The following CHD9 variants were observed in gnomAD, a reference collection of about 807,000 sequenced individuals.
CHD9 encodes the protein chromodomain helicase DNA binding protein 9, also known as ATP-dependent chromatin remodeler CHD9.
CHD9 carries 77 observed loss-of-function variants against 316.1 expected under a neutral mutation model. The ratio of observed to expected loss-of-function variants is 0.24; its 90% CI spans 0.20 to 0.29. CHD9 has a LOEUF of 0.29. Ranked by LOEUF, CHD9 falls within the 10% of genes least tolerant of loss-of-function variation. CHD9 has a pLI of 1.00. For synonymous variants in CHD9, 1,129 were observed against 1,158.3 expected (o/e 0.97, Z 0.51); for missense variants, 2,763 against 3,438.1 (o/e 0.80, Z 4.91).
At chr16:53,132,121 C>CT in intron 1 of CHD9, among the ~76,000 whole-genome samples, 1 of 151,528 alleles carries the variant, frequency 6.6e-6, no homozygotes, top group South Asian at 2.1e-4. Flanking sequence ...GGGTGGTTTG[C>CT]TTTTTTTTCT....
Position 53,222,650 on chromosome 16 carries a change from CATT to C in CHD9, c.1796_1798del (p.Ile599del). The C allele has an allele frequency of 1.4e-6, 2 of 1,450,882 alleles. No homozygotes were observed. Among genetic ancestry groups the C allele is most frequent in the Non-Finnish European group, 1.9e-6 (2 of 1,047,266 alleles). 89.9% of individuals were successfully genotyped at this position (1,450,882 alleles called of 1,614,324 possible). Reference sequence around the variant, plus strand: ...TCTTTTCCTCTTGAAACAGCAAACTCATTATTACATTGGGTAAGAAACAAAAAA... The same window carrying C: ...TCTTTTCCTCTTGAAACAGCAAACTCATTACATTGGGTAAGAAACAAAAAA... On this transcript the variant is annotated inframe_deletion, in exon 4 of 39. Coordinates refer to ENST00000447540, the MANE Select transcript of CHD9 (RefSeq NM_001308319.2).
intron 4 of CHD9, 21 bp from the exon 5 acceptor site, chr16:53,226,345 G>T: frequency 1.3e-6 from 2 of 1,481,500 alleles, no homozygotes; most frequent in South Asian, 2.6e-5. Context: ...ATATAAATCT[G>T]ATTCTTGTGG....
chr16:53,236,442 T>C (rs573285620), intron 11 of CHD9, among the ~76,000 whole-genome samples: 3 of 151,884 alleles, frequency 2.0e-5, no homozygotes, highest in Non-Finnish European at 4.4e-5. Flanking sequence ...TCTAGTCTTC[T>C]TAGAGCCTTA....
intron 2 of CHD9, among the ~76,000 whole-genome samples, chr16:53,185,609 A>T (rs1166746392): frequency 1.3e-5 from 2 of 152,216 alleles, no homozygotes; most frequent in Non-Finnish European, 2.9e-5. Flanking sequence ...CAATGGGGCA[A>T]GTGTCTCCAA....
rs144662691 is a variant in CHD9 at position 53,300,210 on chromosome 16, G to A, written c.5713+3052G>A. 6.4e-4 allele frequency among the ~76,000 whole-genome samples: 97 copies of A among 152,166 alleles called. 1 individual carries two copies. The highest frequency in any genetic ancestry group is 2.0e-3 in the African/African-American group (81 of 41,512). On this transcript the variant is annotated intron_variant, in intron 30 of 38. Transcript: ENST00000447540. Reference sequence around the variant, plus strand: ...CTACTAAAGATACAAAAAATTAGCCGGGTGTAGTGGCACGCACCTGTAATC... The same window carrying A: ...CTACTAAAGATACAAAAAATTAGCCAGGTGTAGTGGCACGCACCTGTAATC...
intron 30 of CHD9, among the ~76,000 whole-genome samples, chr16:53,300,245 C>T (rs1182382130): frequency 6.6e-6 from 1 of 151,882 alleles, no homozygotes; most frequent in Non-Finnish European, 1.5e-5. Flanking sequence ...CCCAGCTACT[C>T]GGGAGGCTGA....
chr16:53,184,103 C>G (rs1567439545), intron 2 of CHD9, among the ~76,000 whole-genome samples: 1 of 152,046 alleles, frequency 6.6e-6, no homozygotes, highest in Non-Finnish European at 1.5e-5. Flanking sequence ...CGGCACCACG[C>G]CCGGCTAATT....
Position 53,327,036 on chromosome 16 carries a change from A to C in CHD9, c.*2141A>C, listed in dbSNP as rs1267314392. On this transcript the variant is annotated 3_prime_UTR_variant, in exon 39 of 39. Transcript: ENST00000447540. Reference sequence around the variant, plus strand: ...AGGCAATTACAGTTTTCAAAGCATTAAGTCTAACATAACTTTAAACATTCT... The same window carrying C: ...AGGCAATTACAGTTTTCAAAGCATTCAGTCTAACATAACTTTAAACATTCT... The C allele has an allele frequency of 6.6e-6, 1 of 152,504 alleles. No individual in the cohort carries two copies. Among genetic ancestry groups the C allele is most frequent in the Non-Finnish European group, 1.5e-5 (1 of 67,946 alleles). The allele number at this position is 152,504 out of a possible 1,614,324, so 9.4% of individuals were successfully genotyped here.
At chr16:53,137,699 T>C (rs2039822786) in intron 1 of CHD9, among the ~76,000 whole-genome samples, 1 of 152,140 alleles carries the variant, frequency 6.6e-6, no homozygotes, top group Admixed American at 6.6e-5. Context: ...CAAAGGAATG[T>C]GAGATAACAA....
At chr16:53,260,909 T>C (rs1047282913) in intron 19 of CHD9, among the ~76,000 whole-genome samples, 1 of 152,188 alleles carries the variant, frequency 6.6e-6, no homozygotes, top group African/African-American at 2.4e-5. Flanking sequence ...TCTCTCTATT[T>C]CAAGGTCCTT....
chr16:53,074,382 A>T (rs979400032), intron 1 of CHD9, among the ~76,000 whole-genome samples: 2 of 152,242 alleles, frequency 1.3e-5, no homozygotes, highest in Non-Finnish European at 2.9e-5. Context: ...CTGAGGAGAC[A>T]TTCAAGCAGG....
intron 1 of CHD9, among the ~76,000 whole-genome samples, chr16:53,133,726 G>A (rs913841292): frequency 3.3e-5 from 5 of 152,168 alleles, no homozygotes; most frequent in Admixed American, 6.5e-5. Flanking sequence ...AAAAGCCCGT[G>A]ACAAGATAAG....
At chr16:53,108,166 T>C (rs1195063658) in intron 1 of CHD9, among the ~76,000 whole-genome samples, 2 of 152,224 alleles carry the variant, frequency 1.3e-5, no homozygotes, top group Admixed American at 1.3e-4. Flanking sequence ...AATTTTATTA[T>C]TAGCAATACC....
chr16:53,227,660 A>G (rs2047769145), intron 7 of CHD9, 57 bp downstream of exon 7: 3 of 453,780 alleles, frequency 6.6e-6, no homozygotes, highest in African/African-American at 6.2e-5. Flanking sequence ...ATAAATTAAT[A>G]TATTTAATAA....
chr16:53,239,197 TACTC>T (rs2048878301), intron 12 of CHD9, among the ~76,000 whole-genome samples: 4 of 152,176 alleles, frequency 2.6e-5, no homozygotes. Context: ...TTTGACCACT[TACTC>T]TTTAGGAAGG....
intron 37 of CHD9, among the ~76,000 whole-genome samples, chr16:53,320,191 G>A (rs2057170339): frequency 7.5e-6 from 1 of 133,630 alleles, no homozygotes. Context: ...GAGTGAGTGA[G>A]TCTCTTTAAA....
chr16:53,115,804 C>T (rs958439378), intron 1 of CHD9, among the ~76,000 whole-genome samples: 6 of 152,002 alleles, frequency 3.9e-5, no homozygotes, highest in Admixed American at 6.6e-5. Flanking sequence ...AACAGGACTG[C>T]GGTTAAGTGT....
At chr16:53,275,666 C>A (rs1042931187) in intron 24 of CHD9, among the ~76,000 whole-genome samples, 5 of 152,010 alleles carry the variant, frequency 3.3e-5, no homozygotes, top group South Asian at 4.1e-4. Context: ...CTCAACCCCC[C>A]ATTCTCAGCA....
Position 53,307,809 on chromosome 16 carries a change from C to A in CHD9, c.6909C>A (p.Ser2303Arg), listed in dbSNP as rs2056118680. ...ASFYTTKLLD[S>R]PGAATEYSDP... is the part of the protein sequence containing the mutation. ...TCTATACCACAAAACTGCTGGACAGCCCTGGAGCAGCTACAGAATACAGCG... is the reference window on the plus strand; with the variant it reads ...TCTATACCACAAAACTGCTGGACAGACCTGGAGCAGCTACAGAATACAGCG... The change falls in exon 33 of 39, where the codon AGC becomes AGA. Residue 2303 changes from serine to arginine, a missense_variant. Ser to Arg is a moderately radical substitution (Grantham distance 110). Transcript: ENST00000447540. The A allele has an allele frequency of 1.2e-6, 2 of 1,613,450 alleles. No individual in the cohort carries two copies. Among genetic ancestry groups the A allele is most frequent in the Admixed American group, 1.7e-5 (1 of 59,924 alleles).
Sources: allele counts gnomAD v4.1 joint callset (sites outside exome capture counted in the v4.1 genomes callset), GRCh38; gene constraint gnomAD v4.1.1; transcripts MANE v1.5; gene names NCBI Gene and HGNC (gene_info 2026-07-23, HGNC 2026-07-21).